Variants in THSD4 observed in about 807,000 individuals in gnomAD.
The protein encoded by THSD4 is thrombospondin type-1 domain-containing protein 4.
A neutral mutation model predicts 119.0 loss-of-function variants in THSD4; 69 were observed. The ratio of observed to expected loss-of-function variants is 0.58; its 90% CI spans 0.48 to 0.71. THSD4 has a LOEUF of 0.71. THSD4 is among the 30% of genes least tolerant of loss of function. THSD4 has a pLI of 0.00. For missense variants in THSD4, 1,393 were observed against 1,391.1 expected (o/e 1.00, Z -0.02); for synonymous variants, 524 against 540.4 (o/e 0.97, Z 0.42).
At chr15:71,114,748 C>A (rs1049674598), upstream of THSD4, among the ~76,000 whole-genome samples, 7 of 152,122 alleles carry the variant, frequency 4.6e-5, no homozygotes, top group African/African-American at 1.7e-4. Flanking sequence ...TATTTTTTTG[C>A]AGCAGGCTTT....
At chr15:71,369,775 C>T (rs1029697002) in intron 6 of THSD4, among the ~76,000 whole-genome samples, 23 of 152,152 alleles carry the variant, frequency 1.5e-4, no homozygotes, top group Non-Finnish European at 1.5e-4. Flanking sequence ...GCTTTGGTAT[C>T]GGGATGATGC....
intron 7 of THSD4, among the ~76,000 whole-genome samples, chr15:71,439,706 C>G (rs1399219561): frequency 6.6e-6 from 1 of 152,152 alleles, no homozygotes; most frequent in Admixed American, 6.6e-5. Flanking sequence ...AGTTCATGTC[C>G]TTTGCAGGGA....
chr15:71,165,286 C>T (rs1269082047), intron 3 of THSD4: 2 of 1,591,632 alleles, frequency 1.3e-6, no homozygotes, highest in Non-Finnish European at 1.7e-6. Flanking sequence ...TCTCTGAGCA[C>T]TTCTTAGAAA....
chr15:71,182,520 T>A (rs1004673726), intron 3 of THSD4, among the ~76,000 whole-genome samples: 1 of 151,776 alleles, frequency 6.6e-6, no homozygotes, highest in African/African-American at 2.4e-5. Context: ...AAATTTCCAT[T>A]CCCTCCCACA....
Position 71,397,206 on chromosome 15 carries a change from A to G in THSD4, c.1016-14481A>G, listed in dbSNP as rs74246962. Reference sequence around the variant, plus strand: ...CTTCGTGGTCCTGGCCTTTGGATATATCTCTGCCTGGAATGTTCCTCCTTC... The same window carrying G: ...CTTCGTGGTCCTGGCCTTTGGATATGTCTCTGCCTGGAATGTTCCTCCTTC... On this transcript the variant is annotated intron_variant, in intron 6 of 17. Transcript: ENST00000261862. Among the ~76,000 whole-genome samples, 109 of 152,194 alleles carry G rather than the reference A, an allele frequency of 7.2e-4. 3 individuals carry two copies. The East Asian group carries it at 0.019, about 27-fold the overall frequency.
intron 7 of THSD4, among the ~76,000 whole-genome samples, chr15:71,561,860 A>C (rs1380858323): frequency 7.2e-6 from 1 of 138,404 alleles, no homozygotes; most frequent in Non-Finnish European, 1.5e-5. Context: ...TCCTTTTAAA[A>C]TAAACACACA....
intron 6 of THSD4, among the ~76,000 whole-genome samples, chr15:71,331,812 GC>G (rs919713012): frequency 1.7e-4 from 25 of 148,388 alleles, no homozygotes; most frequent in East Asian, 5.9e-4. Flanking sequence ...TGCATTCCTT[GC>G]CCCCCCCTCC....
chr15:71,162,505 G>A (rs1021874180), intron 3 of THSD4, among the ~76,000 whole-genome samples: 5 of 151,968 alleles, frequency 3.3e-5, no homozygotes, highest in African/African-American at 4.8e-5. Flanking sequence ...TCTGCTGGTA[G>A]TCTAACGGAG....
chr15:71,305,760 T>G (rs1567188873), intron 6 of THSD4, among the ~76,000 whole-genome samples: 1 of 152,124 alleles, frequency 6.6e-6, no homozygotes, highest in Non-Finnish European at 1.5e-5. Flanking sequence ...CTGTTTGTTC[T>G]TAATAGTAGA....
chr15:71,159,405 T>G (rs983414785), intron 3 of THSD4, among the ~76,000 whole-genome samples: 1 of 152,166 alleles, frequency 6.6e-6, no homozygotes, highest in Non-Finnish European at 1.5e-5. Flanking sequence ...TTGCTTTGGC[T>G]TGTATGGCCA....
At chr15:71,356,381 A>G (rs1057245138) in intron 6 of THSD4, among the ~76,000 whole-genome samples, 22 of 152,156 alleles carry the variant, frequency 1.4e-4, no homozygotes, top group Non-Finnish European at 2.2e-4. Context: ...TTACAGTCCA[A>G]CATGGCAGGA....
At chr15:71,661,552 C>T (rs2051308777) in intron 8 of THSD4, among the ~76,000 whole-genome samples, 1 of 151,960 alleles carries the variant, frequency 6.6e-6, no homozygotes, top group Non-Finnish European at 1.5e-5. Context: ...TGCACCAACA[C>T]ACCCAGTTAA....
At chr15:71,313,463 G>A (rs2045140716) in intron 6 of THSD4, among the ~76,000 whole-genome samples, 1 of 152,144 alleles carries the variant, frequency 6.6e-6, no homozygotes, top group African/African-American at 2.4e-5. Flanking sequence ...TTATTTTGGG[G>A]GAATAACACA....
intron 8 of THSD4, among the ~76,000 whole-genome samples, chr15:71,698,675 T>TACATGCATGTATATA (rs2052219026): frequency 6.7e-6 from 1 of 150,004 alleles, no homozygotes; most frequent in African/African-American, 2.5e-5. Flanking sequence ...CATGTATATA[T>TACATGCATGTATATA]TTCACAAGTT....
chr15:71,622,207 A>G (rs939352813), intron 7 of THSD4, among the ~76,000 whole-genome samples: 3 of 152,240 alleles, frequency 2.0e-5, no homozygotes, highest in Admixed American at 6.5e-5. Flanking sequence ...GTTACTCTGA[A>G]GGAATTAATC....
chr15:71,640,738 T>G (rs1293640255), intron 7 of THSD4, among the ~76,000 whole-genome samples: 1 of 152,184 alleles, frequency 6.6e-6, no homozygotes, highest in East Asian at 1.9e-4. Flanking sequence ...GTCTCTGAAC[T>G]CCTCAGCTGT....
intron 7 of THSD4, among the ~76,000 whole-genome samples, chr15:71,577,709 A>ATTTATTTTATTTTATTTTATTTTAT (rs371853648): frequency 0.04 from 4,420 of 109,548 alleles, 463 homozygotes; most frequent in African/African-American, 0.092. Context: ...ACCTTTATTT[A>ATTTATTTTATTTTATTTTATTTTAT]TTTATTTTAT....
chr15:71,130,253 T>G (rs1393849576), intron 1 of THSD4, among the ~76,000 whole-genome samples: 1 of 152,192 alleles, frequency 6.6e-6, no homozygotes, highest in Non-Finnish European at 1.5e-5. Flanking sequence ...TGGCATAGTC[T>G]CGGTTCATTG....
At chr15:71,689,816 C>G (rs1421221561) in intron 8 of THSD4, among the ~76,000 whole-genome samples, 1 of 152,218 alleles carries the variant, frequency 6.6e-6, no homozygotes, top group Non-Finnish European at 1.5e-5. Flanking sequence ...TTATTTCCCT[C>G]CAGTTTGGGT....
Sources: gnomAD v4.1 joint callset for allele counts (sites outside exome capture counted in the v4.1 genomes callset) on GRCh38, gnomAD v4.1.1 for gene constraint, MANE v1.5 for transcripts, NCBI Gene and HGNC (gene_info 2026-07-23, HGNC 2026-07-21) for gene names.